Variants in OSBPL5 observed in about 807,000 individuals in gnomAD.
The protein encoded by OSBPL5 is oxysterol binding protein like 5.
OSBPL5 carries 71 observed loss-of-function variants against 111.2 expected under a neutral mutation model. The observed-to-expected ratio is 0.64, with a 90% CI of 0.53 to 0.78. The LOEUF (loss-of-function observed/expected upper bound fraction) is 0.78. OSBPL5 is among the 30% of genes least tolerant of loss of function. OSBPL5 has a pLI of 0.00. For missense variants in OSBPL5, 1,210 were observed against 1,189.3 expected (o/e 1.02, Z -0.26); for synonymous variants, 549 against 513.9 (o/e 1.07, Z -0.93).
At position 3,121,409 on chromosome 11, in the gene OSBPL5, A is replaced by G. The variant is rs1299689793; in HGVS notation, c.402+588T>C. On this transcript the variant is annotated intron_variant, in intron 5 of 21. Coordinates refer to ENST00000263650, the MANE Select transcript of OSBPL5 (RefSeq NM_020896.4). This position sits in a 1 kb window ranked among gnomAD's most constrained non-coding sequence, Gnocchi z 4.3. Reference sequence around the variant, plus strand: ...GTTGTCTTCTTTTCTCATTCTAAATACTCACTTTTGCACCTAACTTTTGAT... The same window carrying G: ...GTTGTCTTCTTTTCTCATTCTAAATGCTCACTTTTGCACCTAACTTTTGAT... Among the ~76,000 whole-genome samples the G allele has an allele frequency of 6.6e-6, 1 of 151,574 alleles. No individual in the cohort carries two copies. Among genetic ancestry groups the G allele is most frequent in the Non-Finnish European group, 1.5e-5 (1 of 67,956 alleles).
In OSBPL5 at chr11:3,126,462, C is replaced by A; in HGVS notation, c.219+11G>T. 1 of 1,606,452 alleles carries A rather than the reference C, an allele frequency of 6.2e-7. No homozygotes were observed. The highest frequency in any genetic ancestry group is 8.5e-7 in the Non-Finnish European group (1 of 1,177,754). On this transcript the variant is annotated intron_variant, in intron 3 of 21. Coordinates refer to ENST00000263650, the MANE Select transcript of OSBPL5 (RefSeq NM_020896.4). The surrounding 1 kb of genome is among the most constrained non-coding windows in gnomAD (Gnocchi z 6.5). ...TCTGGCTCATGGATCCTCCTATACCCAGGCTCTTACCGGTGGCACCTTCGT... is the reference window on the plus strand; with the variant it reads ...TCTGGCTCATGGATCCTCCTATACCAAGGCTCTTACCGGTGGCACCTTCGT...
Position 3,146,918 on chromosome 11 carries a change from G to A in OSBPL5, c.-21-17749C>T, listed in dbSNP as rs1846369176. Among the ~76,000 whole-genome samples, 1 of 152,152 alleles carries A rather than the reference G, an allele frequency of 6.6e-6. No individual in the cohort carries two copies. Among genetic ancestry groups the A allele is most frequent in the Non-Finnish European group, 1.5e-5 (1 of 68,018 alleles). On this transcript the variant is annotated intron_variant, in intron 1 of 21. Transcript: ENST00000263650. The surrounding 1 kb of genome is among the most constrained non-coding windows in gnomAD (Gnocchi z 7.8). ...GCACACCCAGCTCTGGTCTTCACGA[G>A]GGGCTGGGATTTTAGAGGTGGCTCA...
Position 3,107,638 on chromosome 11 carries a change from C to A in OSBPL5, c.866+133G>T, listed in dbSNP as rs1857753514. 3.6e-6 allele frequency: 5 copies of A among 1,383,332 alleles called. No homozygotes were observed. Among genetic ancestry groups the A allele is most frequent in the South Asian group, 1.3e-5 (1 of 76,544 alleles). 85.7% of individuals were successfully genotyped at this position (1,383,332 alleles called of 1,614,324 possible). ...AAGGAACCGAGGCTCCCAGGGCACACTGCAGCGAACAAGTCCCTGCGTGCA... is the reference window on the plus strand; with the variant it reads ...AAGGAACCGAGGCTCCCAGGGCACAATGCAGCGAACAAGTCCCTGCGTGCA... On this transcript the variant is annotated intron_variant, in intron 8 of 21. Coordinates refer to ENST00000263650, the MANE Select transcript of OSBPL5 (RefSeq NM_020896.4). This position sits in a 1 kb window ranked among gnomAD's most constrained non-coding sequence, Gnocchi z 6.1.
intron 1 of OSBPL5, among the ~76,000 whole-genome samples, chr11:3,129,704 C>T (rs572880203): frequency 1.8e-3 from 281 of 152,340 alleles, no homozygotes; most frequent in Admixed American, 4.2e-3. Flanking sequence ...AGGAGCGCCT[C>T]GCCTCTGGTT....
chr11:3,144,269 G>A (rs879533963), intron 1 of OSBPL5, among the ~76,000 whole-genome samples: 2 of 152,186 alleles, frequency 1.3e-5, no homozygotes, highest in Admixed American at 6.5e-5. Context: ...CGCTGACAAT[G>A]AGAGCCCCAG....
chr11:3,136,507 A>T (rs566250087), intron 1 of OSBPL5, among the ~76,000 whole-genome samples: 1 of 152,200 alleles, frequency 6.6e-6, no homozygotes, highest in African/African-American at 2.4e-5. Context: ...CCTGTGCCCA[A>T]TTCCTCCTCT....
At position 3,092,569 on chromosome 11, in the gene OSBPL5, C is replaced by G; in HGVS notation, c.2133-11G>C. The G allele has an allele frequency of 6.3e-7, 1 of 1,578,292 alleles. No individual in the cohort carries two copies. ...TCCCAGGGGCTGTGGCTGGAGGGTC[C>G]AGAGGGCGTTCATCAGCACAGGCAG... On this transcript the variant is annotated splice_polypyrimidine_tract_variant and intron_variant, in intron 18 of 21. Transcript: ENST00000263650. The surrounding 1 kb of genome is among the most constrained non-coding windows in gnomAD (Gnocchi z 5.4).
intron 1 of OSBPL5, among the ~76,000 whole-genome samples, chr11:3,152,583 T>C (rs7925464): frequency 0.49 from 74,791 of 152,028 alleles, 19,333 homozygotes; most frequent in Non-Finnish European, 0.58. Flanking sequence ...GCCTGCAGGA[T>C]TATCGGGAGC....
At position 3,109,825 on chromosome 11, in the gene OSBPL5, C is replaced by G. The variant is rs1857852184; in HGVS notation, c.692-1880G>C. Among the ~76,000 whole-genome samples the G allele has an allele frequency of 6.6e-6, 1 of 152,188 alleles. No individual in the cohort carries two copies. The highest frequency in any genetic ancestry group is 2.4e-5 in the African/African-American group (1 of 41,444). On this transcript the variant is annotated intron_variant, in intron 7 of 21. Transcript: ENST00000263650. This position sits in a 1 kb window ranked among gnomAD's most constrained non-coding sequence, Gnocchi z 7.4. ...GTAGCTGCCACAAAGGACTAGACAT[C>G]CTGAATATTATGCATCCTTTGAAGC...
intron 12 of OSBPL5, 64 bp downstream of exon 12, chr11:3,102,119 C>A (rs568435372): frequency 6.7e-7 from 1 of 1,500,140 alleles, no homozygotes; most frequent in Admixed American, 2.0e-5. Flanking sequence ...CAGGGCCCCG[C>A]CCCCACAGAG....
intron 7 of OSBPL5, among the ~76,000 whole-genome samples, chr11:3,112,748 G>C (rs748894645): frequency 2.0e-5 from 3 of 152,124 alleles, no homozygotes; most frequent in Non-Finnish European, 4.4e-5. Context: ...GCAATCCTAT[G>C]ATAGATTTCT....
chr11:3,155,050 C>T (rs1465574954), intron 1 of OSBPL5, among the ~76,000 whole-genome samples: 1 of 152,176 alleles, frequency 6.6e-6, no homozygotes, highest in African/African-American at 2.4e-5. Context: ...CCTGCAAGGA[C>T]ACAGGGAGAA....
chr11:3,100,297 G>A lies in OSBPL5; in HGVS notation c.1523-41C>T, dbSNP rs754369551. On this transcript the variant is annotated intron_variant, in intron 13 of 21. Transcript: ENST00000263650. ...ACAGCAGGACCAGTGAGTGCGGACAGCCCTTTCACATCTGAGGCCACCCCT... is the reference window on the plus strand; with the variant it reads ...ACAGCAGGACCAGTGAGTGCGGACAACCCTTTCACATCTGAGGCCACCCCT... 26 of 1,582,770 alleles carry A rather than the reference G, an allele frequency of 1.6e-5. 1 individual carries two copies. The highest frequency in any genetic ancestry group is 2.2e-5 in the Non-Finnish European group (25 of 1,154,574).
At chr11:3,090,507 T>A (rs369875834) in intron 20 of OSBPL5, 51 bp downstream of exon 20, 3 of 1,588,580 alleles carry the variant, frequency 1.9e-6, no homozygotes, top group African/African-American at 1.3e-5. Context: ...GGTCAGCATC[T>A]GAGGCACCCC....
intron 7 of OSBPL5, among the ~76,000 whole-genome samples, chr11:3,115,990 A>G (rs1224188295): frequency 1.3e-5 from 2 of 152,072 alleles, no homozygotes; most frequent in Non-Finnish European, 2.9e-5. Flanking sequence ...AAATTTGACA[A>G]ACTTTCCAAA....
At chr11:3,160,220 G>C (rs1018100066) in intron 1 of OSBPL5, among the ~76,000 whole-genome samples, 22 of 152,174 alleles carry the variant, frequency 1.4e-4, no homozygotes, top group Admixed American at 3.3e-4. Context: ...GGCCAGCGTC[G>C]GGGCTCCTCT....
In OSBPL5 at chr11:3,104,586, C is replaced by T. The variant is rs1181288952; in HGVS notation, c.1060-209G>A. Among the ~76,000 whole-genome samples, 1 of 152,186 alleles carries T rather than the reference C, an allele frequency of 6.6e-6. No homozygotes were observed. Among genetic ancestry groups the T allele is most frequent in the Non-Finnish European group, 1.5e-5 (1 of 68,024 alleles). On this transcript the variant is annotated intron_variant, in intron 9 of 21. Transcript: ENST00000263650. The surrounding 1 kb of genome is among the most constrained non-coding windows in gnomAD (Gnocchi z 5.0). The stretch of plus-strand genomic sequence containing the variant: ...CGTCTCCACCCCACCCCTGGAGCAC[C>T]CGCAGCCCAGGTCCAGGCCCGCTCC...
chr11:3,151,265 A>G (rs1418044670), intron 1 of OSBPL5, among the ~76,000 whole-genome samples: 3 of 152,100 alleles, frequency 2.0e-5, no homozygotes, highest in Non-Finnish European at 2.9e-5. Flanking sequence ...GGGCTCCATC[A>G]CTGTGAATGA....
Position 3,093,851 on chromosome 11 carries a change from C to T in OSBPL5, c.1720-16G>A. The T allele has an allele frequency of 6.2e-7, 1 of 1,606,470 alleles. No homozygotes were observed. Among genetic ancestry groups the T allele is most frequent in the Non-Finnish European group, 8.5e-7 (1 of 1,178,370 alleles). On this transcript the variant is annotated splice_polypyrimidine_tract_variant and intron_variant, in intron 15 of 21. Coordinates refer to ENST00000263650, the MANE Select transcript of OSBPL5 (RefSeq NM_020896.4). ...CGAAGAAGGGCTGCGGGGCCACACCCAGAACAGAGCCCAGTGAGCGGGGGC... is the reference window on the plus strand; with the variant it reads ...CGAAGAAGGGCTGCGGGGCCACACCTAGAACAGAGCCCAGTGAGCGGGGGC...
Sources: allele counts gnomAD v4.1 joint callset (sites outside exome capture counted in the v4.1 genomes callset), GRCh38; gene constraint gnomAD v4.1.1; non-coding constraint Gnocchi (gnomAD v3.1); transcripts MANE v1.5; gene names NCBI Gene and HGNC (gene_info 2026-07-23, HGNC 2026-07-21).